Variants in WASHC3 observed in about 807,000 individuals in gnomAD.
WASHC3 encodes the protein WASH complex subunit 3, also known as WASH complex subunit CCDC53.
A neutral mutation model predicts 26.1 loss-of-function variants in WASHC3; 24 were observed. The ratio of observed to expected loss-of-function variants is 0.92; its 90% CI spans 0.66 to 1.29. WASHC3 has a LOEUF of 1.29. Ranked by LOEUF, WASHC3 falls within the 50% of genes most tolerant of loss-of-function variation. The pLI is 0.00. For synonymous variants in WASHC3, 77 were observed against 75.7 expected (o/e 1.02, Z -0.09); for missense variants, 214 against 229.6 (o/e 0.93, Z 0.44).
chr12:102,049,156 G>T (rs61936651), intron 2 of WASHC3, among the ~76,000 whole-genome samples: 1,974 of 152,312 alleles, frequency 0.013, 31 homozygotes, highest in Non-Finnish European at 0.02. Flanking sequence ...TGCTGCAGGG[G>T]ACTGTCCTGA....
intron 6 of WASHC3, among the ~76,000 whole-genome samples, chr12:102,023,080 C>T (rs980977390): frequency 1.3e-5 from 2 of 151,936 alleles, no homozygotes; most frequent in Non-Finnish European, 2.9e-5. Context: ...TTAGAAGAAT[C>T]AAATCCAATA....
intron 5 of WASHC3, among the ~76,000 whole-genome samples, chr12:102,036,311 G>A (rs145652532): frequency 5.4e-5 from 8 of 148,744 alleles, no homozygotes; most frequent in South Asian, 2.1e-4. Flanking sequence ...GCAGTGAGCC[G>A]TGACTGTGCC....
rs1294447349 is a variant in WASHC3, at chr12:102,013,044, C to G, written c.*64G>C. On this transcript the variant is annotated 3_prime_UTR_variant, in exon 7 of 7. Coordinates refer to ENST00000240079, the MANE Select transcript of WASHC3 (RefSeq NM_016053.4). Reference sequence around the variant, plus strand: ...TTTTATGACTAAGAGAGTTCAGGCTCAATCTCTTACAGAATGTAAATGTAC... The same window carrying G: ...TTTTATGACTAAGAGAGTTCAGGCTGAATCTCTTACAGAATGTAAATGTAC... 4 of 734,334 alleles carry G rather than the reference C, an allele frequency of 5.4e-6. No homozygotes were observed. The highest frequency in any genetic ancestry group is 9.3e-6 in the Non-Finnish European group (4 of 431,508). 45.5% of individuals were successfully genotyped at this position (734,334 alleles called of 1,614,324 possible).
intron 2 of WASHC3, among the ~76,000 whole-genome samples, chr12:102,046,795 A>G (rs940587759): frequency 5.3e-5 from 8 of 152,214 alleles, no homozygotes; most frequent in African/African-American, 1.9e-4. Context: ...TTGATGAATG[A>G]AGAAATTTTT....
At chr12:102,021,372 A>G (rs1256669304) in intron 6 of WASHC3, among the ~76,000 whole-genome samples, 5 of 152,194 alleles carry the variant, frequency 3.3e-5, no homozygotes, top group African/African-American at 1.2e-4. Context: ...TCTAGGTAGG[A>G]TGGACTTTTG....
intron 4 of WASHC3, among the ~76,000 whole-genome samples, chr12:102,042,762 G>A (rs1339033637): frequency 2.0e-5 from 3 of 152,132 alleles, no homozygotes; most frequent in Non-Finnish European, 2.9e-5. Context: ...CCTGTGAAAA[G>A]TGCCTCCAGG....
In WASHC3 at chr12:102,025,977, A is replaced by G. The variant is rs1877168229; in HGVS notation, c.497T>C (p.Leu166Pro). ...TTATATTAGAAGAATTACTTACTCA[A>G]GAAGATCTGGGTCTAGTCCTTCTGA... ...MISEGLDPDL[L>P]ERPDAPVPDG... is the part of the protein sequence containing the mutation. Residue 166 changes from leucine to proline, a missense_variant, in exon 6 of 7, where the codon CTT (leucine) becomes CCT (proline). By Grantham distance (98) the Leu-to-Pro change is moderately conservative. Coordinates refer to ENST00000240079, the MANE Select transcript of WASHC3 (RefSeq NM_016053.4). 5 of 1,473,448 alleles carry G rather than the reference A, an allele frequency of 3.4e-6. No homozygotes were observed. Among genetic ancestry groups the G allele is most frequent in the African/African-American group, 2.8e-5 (2 of 71,968 alleles). The allele number at this position is 1,473,448 out of a possible 1,614,324, so 91.3% of individuals were successfully genotyped here.
At chr12:102,045,735 A>T (rs1040242682) in intron 3 of WASHC3, among the ~76,000 whole-genome samples, 1 of 152,256 alleles carries the variant, frequency 6.6e-6, no homozygotes, top group Non-Finnish European at 1.5e-5. Flanking sequence ...TCAAATAATA[A>T]CTAGTAAAAT....
intron 2 of WASHC3, among the ~76,000 whole-genome samples, chr12:102,058,448 T>C (rs546884077): frequency 2.7e-3 from 405 of 152,266 alleles, no homozygotes; most frequent in African/African-American, 8.9e-3. Context: ...TTGTAGAATC[T>C]GGATTTTAAA....
intron 5 of WASHC3, among the ~76,000 whole-genome samples, chr12:102,039,654 T>A (rs1877855321): frequency 6.6e-6 from 1 of 152,028 alleles, no homozygotes; most frequent in South Asian, 2.1e-4. Flanking sequence ...TATATTAAAC[T>A]ATGTTAATTT....
chr12:102,039,655 A>G (rs1248519295), intron 5 of WASHC3, among the ~76,000 whole-genome samples: 2 of 151,852 alleles, frequency 1.3e-5, no homozygotes, highest in Non-Finnish European at 2.9e-5. Flanking sequence ...ATATTAAACT[A>G]TGTTAATTTA....
At chr12:102,043,881 A>G (rs1483829752) in intron 4 of WASHC3, 1 of 285,404 alleles carries the variant, frequency 3.5e-6, no homozygotes, top group Non-Finnish European at 6.6e-6. Context: ...TCCTAGTCCT[A>G]TATAGACTGA....
chr12:102,040,606 A>C (rs1229222265), intron 4 of WASHC3, among the ~76,000 whole-genome samples: 1 of 152,084 alleles, frequency 6.6e-6, no homozygotes, highest in Non-Finnish European at 1.5e-5. Context: ...AAAAGTCATA[A>C]TGTCATACTA....
At chr12:102,019,941 G>C (rs550376031) in intron 6 of WASHC3, among the ~76,000 whole-genome samples, 1 of 152,132 alleles carries the variant, frequency 6.6e-6, no homozygotes, top group South Asian at 2.1e-4. Context: ...CCATTGATGT[G>C]AATCAATGAA....
At chr12:102,026,129 C>A in intron 5 of WASHC3, 91 bp from the exon 6 acceptor site, 1 of 675,952 alleles carries the variant, frequency 1.5e-6, no homozygotes, top group South Asian at 1.9e-5. Flanking sequence ...TCAGATGCCT[C>A]ATTATTTAAA....
At chr12:102,018,852 A>C (rs1876828324) in intron 6 of WASHC3, among the ~76,000 whole-genome samples, 2 of 152,156 alleles carry the variant, frequency 1.3e-5, no homozygotes, top group South Asian at 4.1e-4. Flanking sequence ...GCTGGAGTGC[A>C]GTGGCACCAT....
At chr12:102,046,524 A>G (rs1053446529) in intron 2 of WASHC3, among the ~76,000 whole-genome samples, 7 of 152,044 alleles carry the variant, frequency 4.6e-5, no homozygotes, top group Non-Finnish European at 1.0e-4. Flanking sequence ...TGATCTCTTG[A>G]CCTCGTGATC....
intron 6 of WASHC3, among the ~76,000 whole-genome samples, chr12:102,015,597 T>C (rs1486467528): frequency 1.3e-5 from 2 of 152,246 alleles, no homozygotes; most frequent in East Asian, 3.8e-4. Flanking sequence ...CAGATAAATA[T>C]TATCTGCTGT....
chr12:102,038,762 T>G (rs1877789728), intron 5 of WASHC3, among the ~76,000 whole-genome samples: 3 of 152,236 alleles, frequency 2.0e-5, no homozygotes, highest in Admixed American at 2.0e-4. Context: ...ACTGTGGAAG[T>G]GAAAAATCCA....
Sources: gnomAD v4.1 joint callset for allele counts (sites outside exome capture counted in the v4.1 genomes callset) on GRCh38, gnomAD v4.1.1 for gene constraint, MANE v1.5 for transcripts, NCBI Gene and HGNC (gene_info 2026-07-23, HGNC 2026-07-21) for gene names.